The following ANK1 variants were observed in gnomAD, a reference collection of about 807,000 sequenced individuals.
ANK1 encodes the protein ankyrin 1.
A neutral mutation model predicts 210.4 loss-of-function variants in ANK1; 51 were observed. That is an observed-to-expected ratio of 0.24 (90% CI 0.19 to 0.31). The LOEUF is 0.31. Among genes scored for constraint, ANK1 ranks in the 10% least tolerant of loss-of-function variants. The probability of loss-of-function intolerance (pLI) is 1.00; values close to 1 mark genes in which losing one functional copy is unlikely to be tolerated. For synonymous variants in ANK1, 967 were observed against 1,025.9 expected (o/e 0.94, Z 1.10); for missense variants, 2,051 against 2,504.4 (o/e 0.82, Z 3.86).
chr8:41,702,950 G>T (rs886926852), intron 20 of ANK1, among the ~76,000 whole-genome samples: 5 of 152,046 alleles, frequency 3.3e-5, no homozygotes, highest in African/African-American at 4.8e-5. Context: ...CTCCCGAGTA[G>T]CTGGGACTAC....
At chr8:41,825,053 GC>G (rs1482266113) in intron 1 of ANK1, among the ~76,000 whole-genome samples, 3 of 152,256 alleles carry the variant, frequency 2.0e-5, no homozygotes, top group Admixed American at 6.5e-5. Flanking sequence ...CCCTTCAGTG[GC>G]CCCTGAGCGT....
At chr8:41,872,106 C>T (rs772430991) in intron 1 of ANK1, among the ~76,000 whole-genome samples, 2 of 152,214 alleles carry the variant, frequency 1.3e-5, no homozygotes, top group Non-Finnish European at 2.9e-5. Flanking sequence ...GCCAGCATTG[C>T]CCAAGCTGAT....
chr8:41,760,243 C>T (rs1419255526), intron 1 of ANK1, among the ~76,000 whole-genome samples: 2 of 152,196 alleles, frequency 1.3e-5, no homozygotes, highest in Admixed American at 1.3e-4. Context: ...ATAATTCCCA[C>T]GTGCCCTGGG....
intron 1 of ANK1, among the ~76,000 whole-genome samples, chr8:41,895,831 G>A (rs188828506): frequency 1.3e-5 from 2 of 152,288 alleles, no homozygotes; most frequent in South Asian, 2.1e-4. Context: ...CCCGACTCTC[G>A]TTCAGAGACA....
chr8:41,872,248 G>A (rs1338464355), intron 1 of ANK1, among the ~76,000 whole-genome samples: 1 of 152,238 alleles, frequency 6.6e-6, no homozygotes, highest in Admixed American at 6.5e-5. Flanking sequence ...CAGCCGAAGA[G>A]CAGCGTCCCC....
chr8:41,708,933 C>T lies in ANK1; in HGVS notation c.1843G>A (p.Val615Met), dbSNP rs374808045. ...PLHIAAKQNQ[V>M]EVARSLLQYG... ...TGCAGCAGACTACGGGCCACCTCCA[C>T]CTGGTTCTGCTTGGCAGCGATGTGC... Residue 615 changes from valine (V) to methionine (M), a missense_variant, in exon 17 of 43, where the codon GTG becomes ATG. By Grantham distance (21) the Val-to-Met change is conservative (BLOSUM62 1). This residue lies in a region of ANK1 where 1,413 missense variants were observed against 1,707.4 expected (regional missense o/e 0.83). Coordinates refer to ENST00000289734, the MANE Select transcript of ANK1 (RefSeq NM_000037.4). 1.2e-6 allele frequency: 2 copies of T among 1,614,116 alleles called. No individual in the cohort carries two copies. Among genetic ancestry groups the T allele is most frequent in the East Asian group, 2.2e-5 (1 of 44,868 alleles).
chr8:41,781,412 G>A (rs1325871806), intron 1 of ANK1, among the ~76,000 whole-genome samples: 2 of 152,214 alleles, frequency 1.3e-5, no homozygotes, highest in African/African-American at 4.8e-5. Context: ...GAATTCACGA[G>A]AATCTGTTCT....
chr8:41,703,978 G>T, intron 20 of ANK1, 63 bp downstream of exon 20: 1 of 1,480,640 alleles, frequency 6.8e-7, no homozygotes. Flanking sequence ...GGTTAGGGGA[G>T]TTCACACAGG....
intron 14 of ANK1, among the ~76,000 whole-genome samples, chr8:41,715,433 G>T (rs1827356444): frequency 6.6e-6 from 1 of 152,262 alleles, no homozygotes; most frequent in Non-Finnish European, 1.5e-5. Flanking sequence ...TATGAAGGCT[G>T]GCTGGGTGTG....
intron 1 of ANK1, among the ~76,000 whole-genome samples, chr8:41,763,970 G>C (rs1322690177): frequency 7.0e-6 from 1 of 142,762 alleles, no homozygotes; most frequent in Non-Finnish European, 1.5e-5. Context: ...GGGCATCTGG[G>C]AGGTGAACTG....
rs1043351586 is a variant in ANK1, at chr8:41,654,105, C to G, written c.*1685G>C. The G allele has an allele frequency of 1.3e-5, 2 of 152,510 alleles. No homozygotes were observed. Among genetic ancestry groups the G allele is most frequent in the Non-Finnish European group, 2.9e-5 (2 of 68,026 alleles). The allele number at this position is 152,510 out of a possible 1,614,324, so 9.4% of individuals were successfully genotyped here. A position where few individuals can be genotyped will look rare whatever the true frequency, so the allele number is the denominator to read the frequency against. ...AGCGGCGGGGCGGACGGGGCCGGGCCGTCCACACCGCGGCTCCAGGGGCGA... is the reference window on the plus strand; with the variant it reads ...AGCGGCGGGGCGGACGGGGCCGGGCGGTCCACACCGCGGCTCCAGGGGCGA... On this transcript the variant is annotated 3_prime_UTR_variant, in exon 43 of 43. Coordinates refer to ENST00000289734, the MANE Select transcript of ANK1 (RefSeq NM_000037.4).
At chr8:41,796,331 G>A (rs1848722724) in intron 1 of ANK1, among the ~76,000 whole-genome samples, 1 of 152,010 alleles carries the variant, frequency 6.6e-6, no homozygotes, top group Non-Finnish European at 1.5e-5. Context: ...ACTTGCGTTT[G>A]AGTCTGAAGA....
At chr8:41,865,389 A>C (rs921106350) in intron 1 of ANK1, among the ~76,000 whole-genome samples, 10 of 151,978 alleles carry the variant, frequency 6.6e-5, no homozygotes, top group African/African-American at 2.4e-4. Flanking sequence ...GTGGGTGCCC[A>C]CCATGCCTAA....
In ANK1 at chr8:41,723,724, T is replaced by C. The variant is rs866529276; in HGVS notation, c.712-91A>G. On this transcript the variant is annotated intron_variant, in intron 7 of 42. Coordinates refer to ENST00000289734, the MANE Select transcript of ANK1 (RefSeq NM_000037.4). ...CGCTCCCCTTGTCCCCAGCCCCCAG[T>C]CCCCAGGCCTGCAACAGCGTTGTCA... 9 of 1,056,424 alleles carry C rather than the reference T, an allele frequency of 8.5e-6. No individual in the cohort carries two copies. The Middle Eastern group carries it at 7.6e-4, about 89-fold the overall frequency. The allele number at this position is 1,056,424 out of a possible 1,614,324, so 65.4% of individuals were successfully genotyped here.
intron 2 of ANK1, among the ~76,000 whole-genome samples, chr8:41,749,244 T>A (rs1163365039): frequency 6.6e-6 from 1 of 151,488 alleles, no homozygotes; most frequent in African/African-American, 2.4e-5. Context: ...TTGTAACTGG[T>A]CAATAAATGT....
chr8:41,671,904 GA>G (rs1812509544), intron 38 of ANK1, among the ~76,000 whole-genome samples: 1 of 132,718 alleles, frequency 7.5e-6, no homozygotes, highest in Non-Finnish European at 1.6e-5. Context: ...CCGGTGCCCC[GA>G]TGTCCTAAGT....
chr8:41,837,510 G>C (rs1354958563), intron 1 of ANK1, among the ~76,000 whole-genome samples: 1 of 152,164 alleles, frequency 6.6e-6, no homozygotes, highest in Admixed American at 6.5e-5. Context: ...TGGGATATTT[G>C]CGAAAATTAA....
intron 9 of ANK1, among the ~76,000 whole-genome samples, chr8:41,721,373 C>A (rs962106180): frequency 6.6e-6 from 1 of 152,170 alleles, no homozygotes; most frequent in East Asian, 1.9e-4. Context: ...AGGAATCAAC[C>A]CTGCCAGGCA....
At chr8:41,875,975 C>T (rs1260876815) in intron 1 of ANK1, among the ~76,000 whole-genome samples, 1 of 152,016 alleles carries the variant, frequency 6.6e-6, no homozygotes, top group Non-Finnish European at 1.5e-5. Context: ...CGCACACCTG[C>T]CCGCGCGCAC....
Sources: gnomAD v4.1 joint callset for allele counts (sites outside exome capture counted in the v4.1 genomes callset) on GRCh38, gnomAD v4.1.1 for gene constraint, gnomAD v4.1.1 regional missense constraint, MANE v1.5 for transcripts, NCBI Gene and HGNC (gene_info 2026-07-23, HGNC 2026-07-21) for gene names.